The following ZNF644 variants were observed in gnomAD, a reference collection of about 807,000 sequenced individuals.
ZNF644 encodes the protein zinc finger protein 644.
A neutral mutation model predicts 108.0 loss-of-function variants in ZNF644; 20 were observed. The observed-to-expected ratio is 0.19, with a 90% CI of 0.13 to 0.27. The LOEUF (loss-of-function observed/expected upper bound fraction) is 0.27, where lower values mean the gene tolerates loss of function less well. Ranked by LOEUF, ZNF644 falls within the 10% of genes least tolerant of loss-of-function variation. The probability of loss-of-function intolerance (pLI) is 1.00; values close to 1 mark genes in which losing one functional copy is unlikely to be tolerated. For synonymous variants in ZNF644, 542 were observed against 539.1 expected, an observed-to-expected ratio of 1.01 and a Z score of -0.08; for missense variants, 1,338 against 1,548.9, an observed-to-expected ratio of 0.86 and a Z score of 2.29.
chr1:90,983,035 A>G (rs1656718405), intron 1 of ZNF644, among the ~76,000 whole-genome samples: 1 of 152,120 alleles, frequency 6.6e-6, no homozygotes, highest in African/African-American at 2.4e-5. Context: ...TACTAATTTT[A>G]CCATATTTCA....
chr1:91,015,566 C>G lies in ZNF644; in HGVS notation c.-18+6424G>C, dbSNP rs565249120. Among the ~76,000 whole-genome samples, 4 of 152,268 alleles carry G rather than the reference C, an allele frequency of 2.6e-5. No individual in the cohort carries two copies. In the South Asian group the frequency reaches 8.3e-4, roughly 31 times the overall value. ...TTCAGCATGTTATAACAAAGACAAA[C>G]CAATGCACTGGCTGGGAAATAACTT... On this transcript the variant is annotated intron_variant, in intron 1 of 5. Coordinates refer to ENST00000337393, the MANE Select transcript of ZNF644 (RefSeq NM_201269.3).
At chr1:90,952,668 G>A (rs1653295466) in intron 2 of ZNF644, among the ~76,000 whole-genome samples, 1 of 151,978 alleles carries the variant, frequency 6.6e-6, no homozygotes, top group Admixed American at 6.6e-5. Flanking sequence ...ATGAAGCAAG[G>A]GGAGACAAAA....
intron 2 of ZNF644, among the ~76,000 whole-genome samples, chr1:90,951,620 C>G (rs1653176361): frequency 6.6e-6 from 1 of 152,090 alleles, no homozygotes; most frequent in East Asian, 1.9e-4. Context: ...ACTGACACCC[C>G]AAAACCCTTA....
intron 1 of ZNF644, among the ~76,000 whole-genome samples, chr1:91,017,460 G>A (rs1255530913): frequency 6.6e-6 from 1 of 152,188 alleles, no homozygotes; most frequent in Non-Finnish European, 1.5e-5. Context: ...AGAGAAGTGT[G>A]CACTGCTGCT....
At position 90,939,192 on chromosome 1, in the gene ZNF644, T is replaced by C. The variant is rs759177157; in HGVS notation, c.2162A>G (p.Tyr721Cys). The change falls in exon 3 of 6, where the codon TAT becomes TGT. Residue 721 changes from tyrosine (Y) to cysteine (C), a missense_variant. Transcript: ENST00000337393. The stretch of plus-strand genomic sequence containing the variant: ...CTTTTCTTTTGCTGCTTGATGGAAA[T>C]ACTTAGGTTTTTGGTCAACGCTGCT... ...IKSSVDQKPKYFHQAAKEKSN... is the reference protein window; with the variant it reads ...IKSSVDQKPKCFHQAAKEKSN... The C allele has an allele frequency of 7.4e-6, 12 of 1,613,812 alleles. No individual in the cohort carries two copies. The East Asian group carries it at 2.5e-4, about 33-fold the overall frequency.
At chr1:90,954,848 T>C (rs1472157320) in intron 2 of ZNF644, among the ~76,000 whole-genome samples, 1 of 152,244 alleles carries the variant, frequency 6.6e-6, no homozygotes, top group East Asian at 1.9e-4. Context: ...ATGTTGATAT[T>C]TTGACCTCCT....
intron 2 of ZNF644, among the ~76,000 whole-genome samples, chr1:90,977,583 G>C (rs894932754): frequency 1.3e-5 from 2 of 152,096 alleles, no homozygotes; most frequent in African/African-American, 4.8e-5. Context: ...GACTAGCAAG[G>C]ATAAAACAAA....
chr1:90,916,615 T>C lies in ZNF644; in HGVS notation c.*183A>G. 3 of 650,466 alleles carry C rather than the reference T, an allele frequency of 4.6e-6. No individual in the cohort carries two copies. The highest frequency in any genetic ancestry group is 2.9e-5 in the Admixed American group (1 of 34,796). The allele number at this position is 650,466 out of a possible 1,614,324, so 40.3% of individuals were successfully genotyped here. ...AACCTTAAAAACACATCTTCCACCC[T>C]ATATAAAATATATAGACTACTTACT... On this transcript the variant is annotated 3_prime_UTR_variant, in exon 6 of 6. Coordinates refer to ENST00000337393, the MANE Select transcript of ZNF644 (RefSeq NM_201269.3).
At chr1:90,950,203 G>A (rs901781775) in intron 2 of ZNF644, among the ~76,000 whole-genome samples, 10 of 144,820 alleles carry the variant, frequency 6.9e-5, no homozygotes, top group African/African-American at 7.7e-5. Context: ...GCTTGAACCC[G>A]GGAGGAAAGG....
At position 90,939,848 on chromosome 1, in the gene ZNF644, C is replaced by A; in HGVS notation, c.1506G>T (p.Val502=). 2 of 1,614,058 alleles carry A rather than the reference C, an allele frequency of 1.2e-6. No homozygotes were observed. The highest frequency in any genetic ancestry group is 1.1e-5 in the South Asian group (1 of 91,084). The change falls in exon 3 of 6, where the codon GTG becomes GTT. Residue 502 remains valine, a synonymous_variant. Transcript: ENST00000337393. ...RSARLQCPQC[V]FGTNCPKTFV... ...ATGTTTTAGGGCAATTGGTACCAAA[C>A]ACACACTGAGGACACTGTAATCGTG...
intron 1 of ZNF644, among the ~76,000 whole-genome samples, chr1:91,011,549 A>C (rs1659960415): frequency 6.6e-6 from 1 of 152,190 alleles, no homozygotes; most frequent in African/African-American, 2.4e-5. Context: ...TTTACGAAAA[A>C]TAATGCTACA....
In ZNF644 at chr1:90,941,179, G is replaced by A. The variant is rs1215304635; in HGVS notation, c.175C>T (p.Pro59Ser). 2 of 1,612,570 alleles carry A rather than the reference G, an allele frequency of 1.2e-6. No homozygotes were observed. The highest frequency in any genetic ancestry group is 2.7e-5 in the African/African-American group (2 of 74,888). ...TGAAATGATGTTTGACAATCTTTTG[G>A]CTTATGAACTCCGCTCTCTTTGTCT... ...ISDKESGVHK[P>S]KDCQTSFQKN... Residue 59 changes from proline (P) to serine (S), a missense_variant, in exon 3 of 6, where the codon CCA becomes TCA. Physicochemically the swap from Pro to Ser is moderately conservative, Grantham distance 74 (BLOSUM62 -1). Coordinates refer to ENST00000337393, the MANE Select transcript of ZNF644 (RefSeq NM_201269.3).
intron 1 of ZNF644, among the ~76,000 whole-genome samples, chr1:91,011,212 A>G (rs1659931901): frequency 6.6e-6 from 1 of 152,170 alleles, no homozygotes; most frequent in Admixed American, 6.5e-5. Context: ...TATTTCTTCA[A>G]GACAAATACT....
chr1:91,002,072 A>G (rs1658896954), intron 1 of ZNF644, among the ~76,000 whole-genome samples: 1 of 152,226 alleles, frequency 6.6e-6, no homozygotes, highest in Non-Finnish European at 1.5e-5. Context: ...ATGGATAGGA[A>G]GAATCAGTAT....
At chr1:91,010,732 T>C (rs1659886343) in intron 1 of ZNF644, among the ~76,000 whole-genome samples, 1 of 151,790 alleles carries the variant, frequency 6.6e-6, no homozygotes, top group Non-Finnish European at 1.5e-5. Flanking sequence ...GATCATGAGC[T>C]CTTTGGAGTA....
At chr1:90,924,049 T>C (rs988314397) in intron 4 of ZNF644, among the ~76,000 whole-genome samples, 1 of 152,140 alleles carries the variant, frequency 6.6e-6, no homozygotes, top group African/African-American at 2.4e-5. Flanking sequence ...TGAGCAAGTA[T>C]TCTCTATGTA....
chr1:90,940,183 A>C lies in ZNF644; in HGVS notation c.1171T>G (p.Cys391Gly). The change falls in exon 3 of 6, where the codon TGT becomes GGT. Residue 391 changes from cysteine (C) to glycine (G), a missense_variant. Coordinates refer to ENST00000337393, the MANE Select transcript of ZNF644 (RefSeq NM_201269.3). ...TFLSNTLKKK[C>G]EESDSESPAT... ...GGTGACTCAGAATCACTCTCTTCAC[A>C]TTTCTTTTTTAAGGTATTTGAAAGA... 6.2e-7 allele frequency: 1 copy of C among 1,613,942 alleles called. No individual in the cohort carries two copies. The highest frequency in any genetic ancestry group is 1.3e-5 in the African/African-American group (1 of 74,988).
intron 1 of ZNF644, among the ~76,000 whole-genome samples, chr1:91,019,673 T>G (rs1012628457): frequency 3.3e-5 from 5 of 152,154 alleles, no homozygotes; most frequent in African/African-American, 1.2e-4. Flanking sequence ...CGGGTTCAAG[T>G]GATTCTCCTG....
In ZNF644 at chr1:90,939,002, ATTG is replaced by A. The variant is rs761334809; in HGVS notation, c.2349_2351del (p.Asn784del). Reference sequence around the variant, plus strand: ...CAGGCTTATGAGGGTCTGAAATAAAATTGTTGTGAGAATTACTTGATGATGAAA... The same window carrying A: ...CAGGCTTATGAGGGTCTGAAATAAAATTGTGAGAATTACTTGATGATGAAA... On this transcript the variant is annotated inframe_deletion, in exon 3 of 6. Transcript: ENST00000337393. The A allele has an allele frequency of 1.2e-6, 2 of 1,614,042 alleles. No homozygotes were observed. Among genetic ancestry groups the A allele is most frequent in the East Asian group, 2.2e-5 (1 of 44,878 alleles).
Sources: gnomAD v4.1 joint callset for allele counts (sites outside exome capture counted in the v4.1 genomes callset) on GRCh38, gnomAD v4.1.1 for gene constraint, MANE v1.5 for transcripts, NCBI Gene and HGNC (gene_info 2026-07-23, HGNC 2026-07-21) for gene names.